HCN1: variants seen among roughly 807,000 people sequenced by gnomAD.
HCN1 encodes hyperpolarization activated cyclic nucleotide gated potassium channel 1, also known as potassium/sodium hyperpolarization-activated cyclic nucleotide-gated channel 1.
A neutral mutation model predicts 78.9 loss-of-function variants in HCN1; 13 were observed. That is an observed-to-expected ratio of 0.16 (90% CI 0.11 to 0.26). The LOEUF is 0.26. HCN1 is among the 10% of genes least tolerant of loss of function. The pLI, the probability that HCN1 is intolerant of heterozygous loss-of-function variation, is 1.00. For synonymous variants in HCN1, 552 were observed against 455.5 expected, an observed-to-expected ratio of 1.21 and a Z score of -2.70; for missense variants, 810 against 1,154.3, an observed-to-expected ratio of 0.70 and a Z score of 4.32.
At chr5:45,518,307 C>G (rs1038147142) in intron 2 of HCN1, among the ~76,000 whole-genome samples, 1 of 152,016 alleles carries the variant, frequency 6.6e-6, no homozygotes, top group East Asian at 2.0e-4. Context: ...GGTTCCATAT[C>G]TACCAAGCAG....
chr5:45,504,549 G>T (rs982477527), intron 2 of HCN1, among the ~76,000 whole-genome samples: 1 of 152,116 alleles, frequency 6.6e-6, no homozygotes, highest in East Asian at 1.9e-4. Context: ...GAATAGTGCC[G>T]CAATAAACAT....
intron 3 of HCN1, among the ~76,000 whole-genome samples, chr5:45,458,121 T>C (rs992790540): frequency 6.6e-6 from 1 of 152,106 alleles, no homozygotes. Flanking sequence ...ATAGATATAT[T>C]AAACAAATTA....
intron 2 of HCN1, chr5:45,643,386 A>T (rs901780802): frequency 9.2e-5 from 14 of 152,246 alleles, no homozygotes; most frequent in African/African-American, 3.1e-4. Context: ...CTCTCACAGG[A>T]TATTTGTTAA....
rs187246251 is a variant in HCN1 at position 45,343,240 on chromosome 5, G to A, written c.1377+9860C>T. On this transcript the variant is annotated intron_variant, in intron 5 of 7. Coordinates refer to ENST00000303230, the MANE Select transcript of HCN1 (RefSeq NM_021072.4). ...TCAGAGTATAGAGGGACTGGAAGAT[G>A]AGCTTAGGGAGTCTATACTTGATTC... Among the ~76,000 whole-genome samples the A allele has an allele frequency of 3.9e-3, 593 of 152,312 alleles. 2 individuals carry two copies. Among genetic ancestry groups the A allele is most frequent in the Non-Finnish European group, 6.7e-3 (459 of 68,034 alleles).
Position 45,366,032 on chromosome 5 carries a change from C to T in HCN1, c.1231-12786G>A, listed in dbSNP as rs147117185. Among the ~76,000 whole-genome samples the T allele has an allele frequency of 3.0e-3, 453 of 151,848 alleles. 2 individuals are homozygous for T. Among genetic ancestry groups the T allele is most frequent in the African/African-American group, 0.01 (429 of 41,492 alleles). ...GCATAAATCTAGAGATACTATTTCA[C>T]ACCAGGGCTAAATCTACTAGGCTAT... On this transcript the variant is annotated intron_variant, in intron 4 of 7. Coordinates refer to ENST00000303230, the MANE Select transcript of HCN1 (RefSeq NM_021072.4).
At chr5:45,490,590 C>T (rs879565872) in intron 2 of HCN1, among the ~76,000 whole-genome samples, 16 of 152,086 alleles carry the variant, frequency 1.1e-4, no homozygotes, top group Admixed American at 3.9e-4. Context: ...TTCACACCTA[C>T]CACTTCTGCT....
intron 2 of HCN1, chr5:45,558,744 G>C (rs917926789): frequency 6.6e-6 from 1 of 151,786 alleles, no homozygotes; most frequent in Admixed American, 6.6e-5. Flanking sequence ...AATAGGCCTG[G>C]ATGACAGCAC....
At chr5:45,310,802 G>A (rs547015348) in intron 5 of HCN1, among the ~76,000 whole-genome samples, 6 of 152,110 alleles carry the variant, frequency 3.9e-5, no homozygotes, top group Middle Eastern at 3.2e-3. Flanking sequence ...AGAACATGTG[G>A]TAAATATATA....
intron 1 of HCN1, among the ~76,000 whole-genome samples, chr5:45,652,570 C>T (rs1016342210): frequency 3.3e-5 from 5 of 151,816 alleles, no homozygotes; most frequent in African/African-American, 9.7e-5. Flanking sequence ...TAGCTTTAAC[C>T]TCTACTATGA....
At chr5:45,288,196 C>T (rs949351724) in intron 6 of HCN1, among the ~76,000 whole-genome samples, 3 of 151,860 alleles carry the variant, frequency 2.0e-5, no homozygotes, top group South Asian at 2.1e-4. Context: ...TCACTATCCA[C>T]GAAAAAAAGT....
chr5:45,380,998 A>G (rs1258150961), intron 4 of HCN1, among the ~76,000 whole-genome samples: 1 of 152,166 alleles, frequency 6.6e-6, no homozygotes, highest in African/African-American at 2.4e-5. Context: ...CCTGAATCAT[A>G]CAGAGTTTTC....
intron 6 of HCN1, among the ~76,000 whole-genome samples, chr5:45,286,290 A>T (rs1285167226): frequency 6.6e-6 from 1 of 152,028 alleles, no homozygotes; most frequent in Non-Finnish European, 1.5e-5. Context: ...TACATGCACA[A>T]CTATGAATAT....
intron 4 of HCN1, among the ~76,000 whole-genome samples, chr5:45,361,976 AATTT>A (rs1747119500): frequency 6.6e-6 from 1 of 152,120 alleles, no homozygotes; most frequent in South Asian, 2.1e-4. Flanking sequence ...TTAGTATGTT[AATTT>A]ATTTGTAATT....
At chr5:45,544,918 ATG>A (rs1467108746) in intron 2 of HCN1, among the ~76,000 whole-genome samples, 1 of 152,090 alleles carries the variant, frequency 6.6e-6, no homozygotes, top group Non-Finnish European at 1.5e-5. Flanking sequence ...ATATGTGTGC[ATG>A]TGTCTTTATA....
At chr5:45,421,570 C>G (rs73101214) in intron 3 of HCN1, among the ~76,000 whole-genome samples, 2 of 151,776 alleles carry the variant, frequency 1.3e-5, no homozygotes, top group African/African-American at 4.8e-5. Flanking sequence ...CAAAAAAAAA[C>G]CAAGAAACAG....
intron 5 of HCN1, among the ~76,000 whole-genome samples, chr5:45,317,030 C>T (rs750887619): frequency 1.3e-5 from 2 of 152,114 alleles, no homozygotes; most frequent in Admixed American, 6.5e-5. Context: ...CATCAAGCTA[C>T]CAATGACTTT....
intron 2 of HCN1, among the ~76,000 whole-genome samples, chr5:45,469,705 A>T (rs1741348706): frequency 6.6e-6 from 1 of 152,022 alleles, no homozygotes. Flanking sequence ...ACCAATTTTT[A>T]AATTAAAAAG....
intron 6 of HCN1, among the ~76,000 whole-genome samples, chr5:45,278,345 A>G (rs1380285024): frequency 6.6e-6 from 1 of 152,140 alleles, no homozygotes; most frequent in Non-Finnish European, 1.5e-5. Flanking sequence ...CTTTTCAGTA[A>G]TTTGAAGTAT....
At chr5:45,475,708 C>T (rs939213564) in intron 2 of HCN1, among the ~76,000 whole-genome samples, 14 of 152,060 alleles carry the variant, frequency 9.2e-5, no homozygotes, top group Non-Finnish European at 5.9e-5. Context: ...CTGGCCTCCA[C>T]ATTATTATTT....
Sources: gnomAD v4.1 joint callset for allele counts (sites outside exome capture counted in the v4.1 genomes callset) on GRCh38, gnomAD v4.1.1 for gene constraint, MANE v1.5 for transcripts, NCBI Gene and HGNC (gene_info 2026-07-23, HGNC 2026-07-21) for gene names.